Variants in GRIA1 observed in about 807,000 individuals in gnomAD.
GRIA1 encodes the protein glutamate receptor 1.
Under a neutral mutation model 99.2 loss-of-function variants are expected in GRIA1, and 31 were observed. That is an observed-to-expected ratio of 0.31 (90% CI 0.23 to 0.42). GRIA1 has a LOEUF of 0.42. Among genes scored for constraint, GRIA1 ranks in the 10% least tolerant of loss-of-function variants. GRIA1 has a pLI of 1.00. For synonymous variants in GRIA1, 438 were observed against 432.4 expected, an observed-to-expected ratio of 1.01 and a Z score of -0.16; for missense variants, 782 against 1,157.5, an observed-to-expected ratio of 0.68 and a Z score of 4.71.
intron 2 of GRIA1, among the ~76,000 whole-genome samples, chr5:153,587,867 T>A (rs1463064478): frequency 6.6e-6 from 1 of 152,172 alleles, no homozygotes; most frequent in Non-Finnish European, 1.5e-5. Flanking sequence ...ACCACCTGCA[T>A]AAATGGATAA....
chr5:153,636,279 T>C (rs760896773), intron 2 of GRIA1, among the ~76,000 whole-genome samples: 3 of 152,134 alleles, frequency 2.0e-5, no homozygotes, highest in Non-Finnish European at 2.9e-5. Context: ...ATGTAGGAGA[T>C]TGAAAATTGT....
intron 1 of GRIA1, 74 bp from the exon 2 acceptor site, chr5:153,493,854 C>T (rs1051150571): frequency 1.3e-6 from 2 of 1,487,632 alleles, no homozygotes; most frequent in Admixed American, 3.4e-5. Context: ...GAAAAGGACT[C>T]ATCTGGAGTG....
At chr5:153,491,100 CAG>C in intron 1 of GRIA1, 130 bp downstream of exon 1, 2 of 1,063,960 alleles carry the variant, frequency 1.9e-6, no homozygotes, top group Non-Finnish European at 2.8e-6. Context: ...GCTGCGGTAA[CAG>C]AAGGGAGACT....
intron 5 of GRIA1, among the ~76,000 whole-genome samples, chr5:153,672,037 T>C (rs1656410675): frequency 6.6e-6 from 1 of 152,098 alleles, no homozygotes; most frequent in Non-Finnish European, 1.5e-5. Flanking sequence ...GCTTCTTGGG[T>C]GCCAATCCTA....
At chr5:153,491,268 G>A (rs1352504971) in intron 1 of GRIA1, 1 of 1,327,016 alleles carries the variant, frequency 7.5e-7, no homozygotes, top group Non-Finnish European at 9.6e-7. Context: ...AGGCTGGAAA[G>A]GGTGGTGGGT....
intron 2 of GRIA1, among the ~76,000 whole-genome samples, chr5:153,547,853 T>C (rs916043030): frequency 1.3e-5 from 2 of 152,152 alleles, no homozygotes; most frequent in African/African-American, 4.8e-5. Context: ...TAATGAGCCC[T>C]GGTCTGAGAG....
intron 11 of GRIA1, among the ~76,000 whole-genome samples, chr5:153,718,326 T>C (rs1759806633): frequency 6.6e-6 from 1 of 152,140 alleles, no homozygotes; most frequent in Admixed American, 6.5e-5. Flanking sequence ...CTGGGCTGGC[T>C]TATGGAAAAG....
intron 2 of GRIA1, among the ~76,000 whole-genome samples, chr5:153,523,281 C>G (rs1423580794): frequency 1.3e-5 from 2 of 152,142 alleles, no homozygotes; most frequent in East Asian, 3.9e-4. Flanking sequence ...TGGCACATTC[C>G]TACCCCATCC....
chr5:153,727,586 C>T (rs958866324), intron 11 of GRIA1, among the ~76,000 whole-genome samples: 6 of 152,126 alleles, frequency 3.9e-5, no homozygotes, highest in African/African-American at 1.4e-4. Context: ...TTCTTATACA[C>T]CAATAACAGG....
Position 153,809,755 on chromosome 5 carries a change from A to T in GRIA1, c.2521-1270A>T, listed in dbSNP as rs547145458. On this transcript the variant is annotated intron_variant, in intron 15 of 15. Transcript: ENST00000285900. ...CCTCCAGAAAGCTGTCTTACAGAAG[A>T]CAAAACTTATACACTGGAGGCAGAA... Among the ~76,000 whole-genome samples, 3 of 152,364 alleles carry T rather than the reference A, an allele frequency of 2.0e-5. No homozygotes were observed. In the South Asian group the frequency reaches 6.2e-4, roughly 32 times the overall value.
intron 8 of GRIA1, 90 bp from the exon 9 acceptor site, chr5:153,697,954 C>T: frequency 3.3e-6 from 2 of 599,034 alleles, no homozygotes; most frequent in Non-Finnish European, 3.1e-6. Context: ...TCCTTACTTG[C>T]CTGTCTCTGG....
intron 8 of GRIA1, among the ~76,000 whole-genome samples, chr5:153,694,033 C>A (rs1007463922): frequency 1.3e-5 from 2 of 152,180 alleles, no homozygotes; most frequent in Admixed American, 6.5e-5. Context: ...TATCTCCCTA[C>A]AAAAGAGTTA....
chr5:153,791,014 A>C (rs2149654343), intron 13 of GRIA1, among the ~76,000 whole-genome samples: 1 of 152,322 alleles, frequency 6.6e-6, no homozygotes, highest in East Asian at 1.9e-4. Context: ...CATGATCAAT[A>C]ATCAATGGCA....
chr5:153,633,150 GT>G (rs1479949113), intron 2 of GRIA1, among the ~76,000 whole-genome samples: 1 of 152,160 alleles, frequency 6.6e-6, no homozygotes, highest in African/African-American at 2.4e-5. Flanking sequence ...GAGTGAGTGA[GT>G]TATGCAAAAG....
In GRIA1 at chr5:153,625,680, G is replaced by A. The variant is rs564499431; in HGVS notation, c.221-21248G>A. Among the ~76,000 whole-genome samples, 133 of 152,284 alleles carry A rather than the reference G, an allele frequency of 8.7e-4. 1 individual carries two copies. Among genetic ancestry groups the A allele is most frequent in the Middle Eastern group, 3.4e-3 (1 of 294 alleles). On this transcript the variant is annotated intron_variant, in intron 2 of 15. Coordinates refer to ENST00000285900, the MANE Select transcript of GRIA1 (RefSeq NM_000827.4). ...AATTTCATTTATTTATGAAAAGTCA[G>A]AATAAAACTTCATGGCATTTCAGAT...
intron 2 of GRIA1, among the ~76,000 whole-genome samples, chr5:153,588,336 G>C (rs966317550): frequency 7.9e-5 from 12 of 152,080 alleles, no homozygotes; most frequent in African/African-American, 2.9e-4. Flanking sequence ...GTGTATGCAC[G>C]CACTTCCCCC....
At chr5:153,536,749 C>G (rs1758608669) in intron 2 of GRIA1, among the ~76,000 whole-genome samples, 1 of 152,208 alleles carries the variant, frequency 6.6e-6, no homozygotes, top group South Asian at 2.1e-4. Context: ...TCTATCACCT[C>G]TGCTAACCTC....
At chr5:153,733,320 T>C (rs1260630530) in intron 11 of GRIA1, among the ~76,000 whole-genome samples, 1 of 152,054 alleles carries the variant, frequency 6.6e-6, no homozygotes, top group Non-Finnish European at 1.5e-5. Flanking sequence ...CTAAGATGCT[T>C]TACATAAGCC....
At chr5:153,795,413 T>C in intron 14 of GRIA1, 1 of 865,016 alleles carries the variant, frequency 1.2e-6, no homozygotes, top group Non-Finnish European at 1.9e-6. Context: ...GAATACTGTC[T>C]GTGCTGAATA....
Sources: gnomAD v4.1 joint callset for allele counts (sites outside exome capture counted in the v4.1 genomes callset) on GRCh38, gnomAD v4.1.1 for gene constraint, MANE v1.5 for transcripts, NCBI Gene and HGNC (gene_info 2026-07-23, HGNC 2026-07-21) for gene names.